TENM3: variants seen among roughly 807,000 people sequenced by gnomAD.
The protein encoded by TENM3 is teneurin transmembrane protein 3.
A neutral mutation model predicts 255.1 loss-of-function variants in TENM3; 63 were observed. The observed-to-expected ratio is 0.25, with a 90% confidence interval of 0.20 to 0.30. The LOEUF is 0.30. Among genes scored for constraint, TENM3 ranks in the 10% least tolerant of loss-of-function variants. The pLI is 1.00. For synonymous variants in TENM3, 1,306 were observed against 1,322.3 expected (o/e 0.99, Z 0.27); for missense variants, 2,929 against 3,461.1 (o/e 0.85, Z 3.86).
chr4:182,231,065 G>A (rs1035649048), intron 1 of TENM3, among the ~76,000 whole-genome samples: 2 of 151,460 alleles, frequency 1.3e-5, no homozygotes, highest in African/African-American at 4.9e-5. Flanking sequence ...GTTGACTACC[G>A]GGGCCTCCTT....
At chr4:181,747,228 C>A in the TENM3 span, among the ~76,000 whole-genome samples, 1 of 152,062 alleles carries the variant, frequency 6.6e-6, no homozygotes, top group Non-Finnish European at 1.5e-5. Context: ...GGAGAAATTT[C>A]ATCCCCTTTT....
chr4:182,629,438 T>C (rs1751141551), intron 5 of TENM3, among the ~76,000 whole-genome samples: 1 of 152,196 alleles, frequency 6.6e-6, no homozygotes, highest in African/African-American at 2.4e-5. Flanking sequence ...TCTTCTGATG[T>C]AGTATTGATC....
At chr4:181,943,377 A>G in the TENM3 span, among the ~76,000 whole-genome samples, 1 of 152,056 alleles carries the variant, frequency 6.6e-6, no homozygotes, top group Non-Finnish European at 1.5e-5. Flanking sequence ...GTAGAACAGG[A>G]GGTTGGGTTC....
chr4:182,184,849 G>A (rs546732376), intron 1 of TENM3, among the ~76,000 whole-genome samples: 15 of 152,244 alleles, frequency 9.9e-5, no homozygotes, highest in African/African-American at 3.6e-4. Context: ...CACTTTGGGA[G>A]GCCGAGGTGT....
chr4:181,612,792 G>T, the TENM3 span, among the ~76,000 whole-genome samples: 1 of 152,038 alleles, frequency 6.6e-6, no homozygotes, highest in South Asian at 2.1e-4. Flanking sequence ...TTCAGTTGAG[G>T]CCTAGACAAC....
the TENM3 span, among the ~76,000 whole-genome samples, chr4:182,072,272 G>A: frequency 6.6e-6 from 1 of 152,156 alleles, no homozygotes; most frequent in Non-Finnish European, 1.5e-5. Context: ...CATAGACATT[G>A]TTCATGAAAT....
At chr4:182,046,118 A>T in the TENM3 span, among the ~76,000 whole-genome samples, 1 of 152,144 alleles carries the variant, frequency 6.6e-6, no homozygotes, top group Non-Finnish European at 1.5e-5. Context: ...ACAGTTTTTT[A>T]AAATATGTGG....
chr4:181,644,577 C>T, the TENM3 span, among the ~76,000 whole-genome samples: 1 of 152,336 alleles, frequency 6.6e-6, no homozygotes, highest in Non-Finnish European at 1.5e-5. Context: ...TTCACACCTT[C>T]TGCCTGCCTC....
chr4:181,514,149 T>G, the TENM3 span, among the ~76,000 whole-genome samples: 1 of 152,232 alleles, frequency 6.6e-6, no homozygotes, highest in African/African-American at 2.4e-5. Context: ...TTCAAAAACC[T>G]AATTCAAATG....
At chr4:182,364,218 A>C (rs1766239313) in intron 3 of TENM3, among the ~76,000 whole-genome samples, 1 of 152,008 alleles carries the variant, frequency 6.6e-6, no homozygotes, top group South Asian at 2.1e-4. Flanking sequence ...AGAATAAATC[A>C]TTTGAGTGTT....
intron 19 of TENM3, among the ~76,000 whole-genome samples, chr4:182,750,823 G>A (rs572878805): frequency 3.3e-5 from 5 of 152,228 alleles, no homozygotes; most frequent in South Asian, 2.1e-4. Flanking sequence ...TCATGTTGAC[G>A]TCTTGGTTGG....
chr4:182,532,156 G>A (rs1450762511), intron 3 of TENM3, among the ~76,000 whole-genome samples: 1 of 152,136 alleles, frequency 6.6e-6, no homozygotes, highest in Middle Eastern at 3.2e-3. Context: ...TAAAATTTTT[G>A]TCTGTATGTA....
chr4:181,996,727 C>T, the TENM3 span, among the ~76,000 whole-genome samples: 2 of 152,152 alleles, frequency 1.3e-5, no homozygotes, highest in African/African-American at 2.4e-5. Context: ...CACTTAAGTG[C>T]TCTGATTTGG....
intron 3 of TENM3, among the ~76,000 whole-genome samples, chr4:182,367,735 G>C (rs1213237602): frequency 1.3e-5 from 2 of 152,166 alleles, no homozygotes; most frequent in East Asian, 1.9e-4. Context: ...GGAGAGTTGA[G>C]ACTGAAGTTT....
chr4:181,735,091 T>C, the TENM3 span, among the ~76,000 whole-genome samples: 1 of 151,992 alleles, frequency 6.6e-6, no homozygotes, highest in Non-Finnish European at 1.5e-5. Context: ...GTAAAAAATA[T>C]ATATTATTTT....
At chr4:181,919,058 G>A in the TENM3 span, among the ~76,000 whole-genome samples, 2 of 152,194 alleles carry the variant, frequency 1.3e-5, no homozygotes, top group Middle Eastern at 3.4e-3. Context: ...CACCTCAAAG[G>A]TATGAAACAG....
chr4:182,339,700 C>T (rs1448266551), intron 2 of TENM3, among the ~76,000 whole-genome samples: 1 of 152,160 alleles, frequency 6.6e-6, no homozygotes, highest in Non-Finnish European at 1.5e-5. Context: ...GTGTGACTCA[C>T]CGCGGTGCTG....
the TENM3 span, among the ~76,000 whole-genome samples, chr4:181,574,491 A>G: frequency 2.6e-5 from 4 of 151,304 alleles, no homozygotes; most frequent in Non-Finnish European, 5.9e-5. Flanking sequence ...AGATCGTGCC[A>G]CTGCAGTCCG....
chr4:182,795,134 ACTGT>A (rs1411825709), intron 26 of TENM3, among the ~76,000 whole-genome samples: 1 of 152,134 alleles, frequency 6.6e-6, no homozygotes, highest in Non-Finnish European at 1.5e-5. Context: ...ACCTTTCCAG[ACTGT>A]CTAAAGCATT....
Sources: gnomAD v4.1 joint callset for allele counts (sites outside exome capture counted in the v4.1 genomes callset) on GRCh38, gnomAD v4.1.1 for gene constraint, MANE v1.5 for transcripts, NCBI Gene and HGNC (gene_info 2026-07-23, HGNC 2026-07-21) for gene names.